SLC25A26: variants seen among roughly 807,000 people sequenced by gnomAD.
SLC25A26 encodes the protein solute carrier family 25 member 26, also known as mitochondrial S-adenosylmethionine carrier protein.
In SLC25A26, 36 loss-of-function variants were observed where a neutral mutation model predicts 37.8. The ratio of observed to expected loss-of-function variants is 0.95; its 90% confidence interval spans 0.73 to 1.26. SLC25A26 has a LOEUF of 1.26. Ranked by LOEUF, SLC25A26 falls within the 50% of genes most tolerant of loss-of-function variation. SLC25A26 has a pLI of 0.00. For synonymous variants in SLC25A26, 129 were observed against 122.5 expected (o/e 1.05, Z -0.35); for missense variants, 390 against 331.1 (o/e 1.18, Z -1.38).
At chr3:66,343,155 C>T (rs2076247149) in intron 5 of SLC25A26, among the ~76,000 whole-genome samples, 1 of 152,282 alleles carries the variant, frequency 6.6e-6, no homozygotes, top group Middle Eastern at 3.4e-3. Flanking sequence ...CTGACGGGCC[C>T]ACGTTCTGTA....
In SLC25A26 at chr3:66,312,832, A is replaced by G. The variant is rs578130188; in HGVS notation, c.454-33532A>G. Among the ~76,000 whole-genome samples the G allele has an allele frequency of 8.5e-5, 13 of 152,122 alleles. 1 individual carries two copies. The South Asian group carries it at 2.5e-3, about 29-fold the overall frequency. Reference sequence around the variant, plus strand: ...TGCTTGCCCACTGTGGGCTGCACCCACTGTCTAACCAGTCCCATTGAGATG... The same window carrying G: ...TGCTTGCCCACTGTGGGCTGCACCCGCTGTCTAACCAGTCCCATTGAGATG... On this transcript the variant is annotated intron_variant, in intron 5 of 9. Coordinates refer to ENST00000354883, the MANE Select transcript of SLC25A26 (RefSeq NM_001379210.1).
chr3:66,177,827 C>T (rs1364656106), intron 1 of SLC25A26, among the ~76,000 whole-genome samples: 2 of 152,310 alleles, frequency 1.3e-5, no homozygotes, highest in East Asian at 3.9e-4. Flanking sequence ...ATACATGTGG[C>T]TCATTCCCTT....
intron 5 of SLC25A26, among the ~76,000 whole-genome samples, chr3:66,333,521 G>T (rs531169113): frequency 6.6e-6 from 1 of 152,064 alleles, no homozygotes; most frequent in East Asian, 1.9e-4. Flanking sequence ...TAATTTTTCC[G>T]ACTCATACTG....
intron 5 of SLC25A26, among the ~76,000 whole-genome samples, chr3:66,308,157 TGG>T: frequency 6.6e-6 from 1 of 152,342 alleles, no homozygotes; most frequent in South Asian, 2.1e-4. Flanking sequence ...TCCATTTGTT[TGG>T]GTCCTCTCTT....
At chr3:66,272,406 C>G (rs562117518) in intron 5 of SLC25A26, among the ~76,000 whole-genome samples, 12 of 152,010 alleles carry the variant, frequency 7.9e-5, no homozygotes, top group Non-Finnish European at 1.6e-4. Context: ...GTCTTTAAGC[C>G]TTTAGATAGG....
At chr3:66,274,004 A>G (rs904154353) in intron 5 of SLC25A26, among the ~76,000 whole-genome samples, 2 of 152,190 alleles carry the variant, frequency 1.3e-5, no homozygotes, top group Admixed American at 1.3e-4. Flanking sequence ...AAACTATACT[A>G]CAAGGCTTCA....
intron 5 of SLC25A26, among the ~76,000 whole-genome samples, chr3:66,288,624 A>G (rs60421234): frequency 0.015 from 2,240 of 152,146 alleles, 63 homozygotes; most frequent in African/African-American, 0.05. Flanking sequence ...ATGGGTTCCA[A>G]CTTCATCCAT....
chr3:66,365,393 T>C (rs2076802559), intron 7 of SLC25A26, among the ~76,000 whole-genome samples: 1 of 152,208 alleles, frequency 6.6e-6, no homozygotes, highest in Non-Finnish European at 1.5e-5. Flanking sequence ...TGTTGATGGC[T>C]TGTCATGCAC....
intron 3 of SLC25A26, among the ~76,000 whole-genome samples, chr3:66,244,496 A>G (rs991520088): frequency 8.5e-5 from 13 of 152,232 alleles, no homozygotes; most frequent in Non-Finnish European, 1.9e-4. Flanking sequence ...TTTGCACCCA[A>G]CAAGTAAAGA....
intron 5 of SLC25A26, among the ~76,000 whole-genome samples, chr3:66,281,674 C>T (rs2074342868): frequency 6.6e-6 from 1 of 152,108 alleles, no homozygotes; most frequent in South Asian, 2.1e-4. Context: ...GTGCAATCAC[C>T]ACCATAGTCA....
intron 1 of SLC25A26, among the ~76,000 whole-genome samples, chr3:66,185,932 T>C (rs1056869190): frequency 1.6e-3 from 237 of 152,228 alleles, no homozygotes; most frequent in African/African-American, 5.3e-3. Flanking sequence ...ACCATGATTT[T>C]ACCTTCACAT....
rs1227038410 is a variant in SLC25A26 at position 66,175,140 on chromosome 3, TACACAC to T, written c.-354+41172_-354+41177del. ...ATATATATATATATATATATATATA[TACACAC>T]ACACACACACACACATTATATGTAT... On this transcript the variant is annotated intron_variant, in intron 1 of 10. Coordinates refer to the SLC25A26 transcript ENST00000676754. Among the ~76,000 whole-genome samples, 340 of 66,982 alleles carry T rather than the reference TACACAC, an allele frequency of 5.1e-3. 1 individual carries two copies. The highest frequency in any genetic ancestry group is 0.02 in the African/African-American group (318 of 15,646). The allele number at this position is 66,982 out of a possible 152,430, so 43.9% of individuals were successfully genotyped here.
chr3:66,160,670 C>T (rs1363305997), intron 1 of SLC25A26, among the ~76,000 whole-genome samples: 1 of 152,200 alleles, frequency 6.6e-6, no homozygotes, highest in Non-Finnish European at 1.5e-5. Context: ...GATGATGGCT[C>T]ATGCCTGTAA....
intron 1 of SLC25A26, among the ~76,000 whole-genome samples, chr3:66,186,632 T>A (rs1042228925): frequency 6.6e-6 from 1 of 151,996 alleles, no homozygotes; most frequent in Non-Finnish European, 1.5e-5. Flanking sequence ...ATGAAAACAA[T>A]TGGGACCCTC....
chr3:66,237,233 CT>C (rs1323279885), intron 2 of SLC25A26, among the ~76,000 whole-genome samples: 1 of 152,160 alleles, frequency 6.6e-6, no homozygotes, highest in Non-Finnish European at 1.5e-5. Context: ...AAAATTGTTT[CT>C]GTTGTTAAAA....
chr3:66,315,055 T>A (rs1379515171), intron 5 of SLC25A26, among the ~76,000 whole-genome samples: 2 of 151,012 alleles, frequency 1.3e-5, no homozygotes, highest in African/African-American at 2.4e-5. Context: ...TAATATTTTT[T>A]AAAAACTAGC....
chr3:66,220,938 G>T, upstream of SLC25A26: 1 of 784,286 alleles, frequency 1.3e-6, no homozygotes, highest in Non-Finnish European at 2.1e-6. Flanking sequence ...CTAGGCCCAG[G>T]TGTCTCGCGT....
upstream of SLC25A26, among the ~76,000 whole-genome samples, chr3:66,219,076 C>T (rs959107805): frequency 1.6e-3 from 248 of 152,298 alleles, no homozygotes; most frequent in African/African-American, 5.6e-3. Flanking sequence ...GATTTTGGTA[C>T]TTGGAGGTGG....
chr3:66,334,737 G>C (rs1283828557), intron 5 of SLC25A26, among the ~76,000 whole-genome samples: 1 of 152,018 alleles, frequency 6.6e-6, no homozygotes. Context: ...TGGGTAAGAA[G>C]ACCCTCAGGG....
Sources: allele counts gnomAD v4.1 joint callset (sites outside exome capture counted in the v4.1 genomes callset), GRCh38; gene constraint gnomAD v4.1.1; transcripts MANE v1.5; gene names NCBI Gene and HGNC (gene_info 2026-07-23, HGNC 2026-07-21).